The following KCNIP4 variants were observed in gnomAD, a reference collection of about 807,000 sequenced individuals.
KCNIP4 encodes Kv channel-interacting protein 4.
A neutral mutation model predicts 34.0 loss-of-function variants in KCNIP4; 12 were observed. The observed-to-expected ratio is 0.35, with a 90% CI of 0.23 to 0.57. The LOEUF is 0.57. Ranked by LOEUF, KCNIP4 falls within the 20% of genes least tolerant of loss-of-function variation. The pLI is 0.83. For missense variants in KCNIP4, 238 were observed against 311.7 expected (o/e 0.76, Z 1.78); for synonymous variants, 124 against 102.2 (o/e 1.21, Z -1.29).
intron 1 of KCNIP4, among the ~76,000 whole-genome samples, chr4:21,541,448 G>A (rs1737686943): frequency 6.6e-6 from 1 of 152,092 alleles, no homozygotes; most frequent in South Asian, 2.1e-4. Context: ...GGCTCTGGGA[G>A]TGAGTGGAGA....
At chr4:20,970,697 G>A (rs1734843871) in intron 1 of KCNIP4, among the ~76,000 whole-genome samples, 1 of 152,182 alleles carries the variant, frequency 6.6e-6, no homozygotes, top group Non-Finnish European at 1.5e-5. Context: ...AGTGTTCATA[G>A]TGCCAAGGTT....
chr4:21,588,838 A>T (rs531516648), intron 1 of KCNIP4, among the ~76,000 whole-genome samples: 1 of 151,728 alleles, frequency 6.6e-6, no homozygotes, highest in Non-Finnish European at 1.5e-5. Context: ...ATTTGTAATT[A>T]GTAATAAGTC....
chr4:20,744,636 G>A (rs1752005196), intron 5 of KCNIP4, among the ~76,000 whole-genome samples: 1 of 151,944 alleles, frequency 6.6e-6, no homozygotes, highest in Non-Finnish European at 1.5e-5. Flanking sequence ...GGGGATGGGG[G>A]AGGGATAGCA....
At chr4:21,483,382 G>T (rs984604848) in intron 1 of KCNIP4, among the ~76,000 whole-genome samples, 1 of 152,100 alleles carries the variant, frequency 6.6e-6, no homozygotes, top group Non-Finnish European at 1.5e-5. Flanking sequence ...AGTCCCTGAT[G>T]CTACAGGTGG....
At chr4:21,428,922 C>G (rs550271076) in intron 1 of KCNIP4, among the ~76,000 whole-genome samples, 1 of 152,244 alleles carries the variant, frequency 6.6e-6, no homozygotes, top group South Asian at 2.1e-4. Context: ...ACCCCATTAT[C>G]AATATCTTAT....
intron 1 of KCNIP4, among the ~76,000 whole-genome samples, chr4:21,493,476 T>A (rs1266652275): frequency 1.3e-5 from 2 of 150,930 alleles, no homozygotes; most frequent in Admixed American, 1.3e-4. Context: ...AAAAAAAGCA[T>A]GACCAGTCTA....
At chr4:21,627,365 C>T (rs13146424) in intron 1 of KCNIP4, among the ~76,000 whole-genome samples, 22,645 of 151,926 alleles carry the variant, frequency 0.15, 2,022 homozygotes, top group South Asian at 0.21. Flanking sequence ...CATTTTTTCC[C>T]GATCTGTCTT....
At chr4:21,537,936 A>C (rs748727188) in intron 1 of KCNIP4, among the ~76,000 whole-genome samples, 58 of 138,714 alleles carry the variant, frequency 4.2e-4, no homozygotes, top group Non-Finnish European at 4.7e-4. Context: ...AGCTTGAACC[A>C]GGGAGGCGGA....
At chr4:21,670,138 G>A (rs1159812417) in intron 1 of KCNIP4, among the ~76,000 whole-genome samples, 1 of 151,808 alleles carries the variant, frequency 6.6e-6, no homozygotes, top group Non-Finnish European at 1.5e-5. Flanking sequence ...ATTGAAAAAG[G>A]CACATATCTG....
At chr4:21,524,553 C>A (rs1735812465) in intron 1 of KCNIP4, among the ~76,000 whole-genome samples, 1 of 151,996 alleles carries the variant, frequency 6.6e-6, no homozygotes. Context: ...TTGGCTTTTA[C>A]ACCTGCTAAT....
At chr4:20,827,861 A>T (rs1717947497) in intron 3 of KCNIP4, among the ~76,000 whole-genome samples, 2 of 152,066 alleles carry the variant, frequency 1.3e-5, no homozygotes, top group Non-Finnish European at 1.5e-5. Flanking sequence ...TGATGGAACT[A>T]AATCTGATAT....
intron 1 of KCNIP4, among the ~76,000 whole-genome samples, chr4:20,994,099 T>C (rs1050744562): frequency 2.5e-4 from 38 of 152,228 alleles, no homozygotes; most frequent in Non-Finnish European, 1.6e-4. Flanking sequence ...TTTAAGGACA[T>C]CTGATGAGCA....
At chr4:20,800,205 A>G (rs1714047541) in intron 3 of KCNIP4, among the ~76,000 whole-genome samples, 1 of 152,216 alleles carries the variant, frequency 6.6e-6, no homozygotes, top group South Asian at 2.1e-4. Context: ...GAAGCTGCAT[A>G]CAGACTGTAT....
chr4:21,884,118 T>G (rs11736777), intron 1 of KCNIP4, among the ~76,000 whole-genome samples: 140,525 of 152,052 alleles, frequency 0.92, 65,650 homozygotes, highest in East Asian at 0.99. Context: ...CCTATCCGAG[T>G]GAGTTGTAGG....
chr4:21,948,723 G>C lies in KCNIP4; in HGVS notation c.-92C>G, dbSNP rs1416619565. ...TCTGCACGGGAGCGCACCGCCGCTC[G>C]GCCCGGGGGCGTCCGTGGCGCTGGG... On this transcript the variant is annotated 5_prime_UTR_variant, in exon 1 of 9. Transcript: ENST00000382152. The C allele has an allele frequency of 3.8e-6, 5 of 1,308,012 alleles. No individual in the cohort carries two copies. The highest frequency in any genetic ancestry group is 4.9e-6 in the Non-Finnish European group (5 of 1,012,336). 81.0% of individuals were successfully genotyped at this position (1,308,012 alleles called of 1,614,324 possible).
chr4:21,008,362 T>C (rs764084182), intron 1 of KCNIP4, among the ~76,000 whole-genome samples: 2 of 152,190 alleles, frequency 1.3e-5, no homozygotes, highest in Non-Finnish European at 2.9e-5. Context: ...CATTAAGTTT[T>C]ACCAGTGTTT....
chr4:21,936,375 C>T (rs1014750700), intron 1 of KCNIP4, among the ~76,000 whole-genome samples: 12 of 152,064 alleles, frequency 7.9e-5, no homozygotes, highest in Non-Finnish European at 1.8e-4. Flanking sequence ...TTTGCTCTTC[C>T]TTGTCTTCTA....
At chr4:21,424,986 C>A (rs1307379018) in intron 1 of KCNIP4, among the ~76,000 whole-genome samples, 2 of 151,868 alleles carry the variant, frequency 1.3e-5, no homozygotes, top group Middle Eastern at 3.2e-3. Flanking sequence ...GTTCTTTTGG[C>A]AAAACACTAA....
intron 1 of KCNIP4, among the ~76,000 whole-genome samples, chr4:21,679,386 C>T (rs968369821): frequency 1.3e-5 from 2 of 152,136 alleles, no homozygotes; most frequent in African/African-American, 2.4e-5. Context: ...CAGAAGAGGA[C>T]CTAGCAAAGG....
Sources: gnomAD v4.1 joint callset for allele counts (sites outside exome capture counted in the v4.1 genomes callset) on GRCh38, gnomAD v4.1.1 for gene constraint, MANE v1.5 for transcripts, NCBI Gene and HGNC (gene_info 2026-07-23, HGNC 2026-07-21) for gene names.